The following TARBP1 variants were observed in gnomAD, a reference collection of about 807,000 sequenced individuals.
The protein encoded by TARBP1 is tRNA (guanosine(18)-2'-O)-methyltransferase TARBP1.
TARBP1 carries 144 observed loss-of-function variants against 178.6 expected under a neutral mutation model. The ratio of observed to expected loss-of-function variants is 0.81; its 90% CI spans 0.70 to 0.93. TARBP1 has a LOEUF of 0.93. Among genes scored for constraint, TARBP1 ranks in the 40% least tolerant of loss-of-function variants. The probability of loss-of-function intolerance (pLI) is 0.00; values close to 1 mark genes in which losing one functional copy is unlikely to be tolerated. For synonymous variants in TARBP1, 787 were observed against 781.0 expected (o/e 1.01, Z -0.13); for missense variants, 2,067 against 2,011.7 (o/e 1.03, Z -0.53).
intron 25 of TARBP1, chr1:234,400,157 A>G (rs1660540214): frequency 6.6e-6 from 1 of 152,196 alleles, no homozygotes; most frequent in Admixed American, 6.5e-5. Flanking sequence ...CTGGAGAATA[A>G]ATCATAAAAC....
chr1:234,443,668 A>C (rs550458969), intron 12 of TARBP1, among the ~76,000 whole-genome samples: 9 of 152,370 alleles, frequency 5.9e-5, no homozygotes, highest in Non-Finnish European at 1.2e-4. Flanking sequence ...TGTTCACAGC[A>C]GCATTATTCA....
chr1:234,477,014 C>T (rs895284663), intron 1 of TARBP1, among the ~76,000 whole-genome samples: 2 of 152,176 alleles, frequency 1.3e-5, no homozygotes, highest in African/African-American at 4.8e-5. Flanking sequence ...GGTGAAACCC[C>T]GTCTCTATTA....
At chr1:234,429,965 A>G in intron 15 of TARBP1, 122 bp downstream of exon 15, 1 of 1,013,182 alleles carries the variant, frequency 9.9e-7, no homozygotes, top group Non-Finnish European at 1.5e-6. Context: ...GTTATACCAC[A>G]CTTTCATCCT....
intron 26 of TARBP1, chr1:234,398,083 A>C (rs1448314672): frequency 1.5e-5 from 3 of 205,806 alleles, no homozygotes; most frequent in Non-Finnish European, 2.9e-5. Flanking sequence ...AAAAGCAATG[A>C]GTGTTAACGA....
chr1:234,432,258 A>C (rs1454748647), intron 14 of TARBP1, among the ~76,000 whole-genome samples: 1 of 151,786 alleles, frequency 6.6e-6, no homozygotes, highest in African/African-American at 2.4e-5. Flanking sequence ...CCTGGCCAAC[A>C]TGGCAAAACC....
chr1:234,460,953 A>G (rs1667796289), intron 6 of TARBP1, among the ~76,000 whole-genome samples: 2 of 152,250 alleles, frequency 1.3e-5, no homozygotes, highest in Non-Finnish European at 2.9e-5. Flanking sequence ...CACGTATTGT[A>G]TGATTCCACT....
intron 14 of TARBP1, among the ~76,000 whole-genome samples, chr1:234,432,277 A>G (rs1664523264): frequency 6.6e-6 from 1 of 151,772 alleles, no homozygotes; most frequent in African/African-American, 2.4e-5. Flanking sequence ...CCCCAACTCT[A>G]CTAAAAATAC....
intron 11 of TARBP1, 89 bp from the exon 12 acceptor site, chr1:234,447,064 T>A: frequency 1.4e-6 from 2 of 1,386,134 alleles, no homozygotes; most frequent in South Asian, 1.2e-5. Flanking sequence ...ACTGGTTAGC[T>A]AATGGATCCA....
chr1:234,407,131 T>A (rs1172523699), intron 23 of TARBP1: 2 of 152,232 alleles, frequency 1.3e-5, no homozygotes, highest in African/African-American at 4.8e-5. Context: ...GGTGTGATGT[T>A]ATGATATACA....
chr1:234,411,965 T>C (rs1308571854), intron 22 of TARBP1, among the ~76,000 whole-genome samples: 2 of 152,208 alleles, frequency 1.3e-5, no homozygotes, highest in Non-Finnish European at 2.9e-5. Flanking sequence ...GAATGTCTTC[T>C]ACATGACAGT....
chr1:234,467,566 C>T lies in TARBP1; in HGVS notation c.1184G>A (p.Gly395Asp), dbSNP rs765534653. 1.9e-6 allele frequency: 3 copies of T among 1,607,918 alleles called. No homozygotes were observed. The highest frequency in any genetic ancestry group is 2.5e-6 in the Non-Finnish European group (3 of 1,178,364). The change falls in exon 4 of 30, where the codon GGT becomes GAT. Residue 395 changes from glycine (G) to aspartate (D), a missense_variant. Transcript: ENST00000040877. Reference protein sequence around the residue: ...ESENKILSKEGVIHFLELYET... With the variant: ...ESENKILSKEDVIHFLELYET... ...ATACAGCTCCAAAAAATGGATAACA[C>T]CTTCTTTGGACAGGATTTTGTTTTC... is the stretch of plus-strand genomic sequence containing the variant.
intron 6 of TARBP1, among the ~76,000 whole-genome samples, chr1:234,461,800 T>C (rs765790947): frequency 2.6e-5 from 4 of 152,222 alleles, no homozygotes; most frequent in Non-Finnish European, 5.9e-5. Flanking sequence ...TACAAAGGGA[T>C]AGTGCTTCAT....
Position 234,478,322 on chromosome 1 carries a change from C to T in TARBP1, c.782G>A (p.Arg261His). 7.2e-7 allele frequency: 1 copy of T among 1,385,778 alleles called. No homozygotes were observed. Among genetic ancestry groups the T allele is most frequent in the African/African-American group, 1.5e-5 (1 of 66,686 alleles). 85.8% of individuals were successfully genotyped at this position (1,385,778 alleles called of 1,614,324 possible). ...GAREAGPDAR[R>H]CWRFWRTVQA... ...CACCGTCCTCCAGAAGCGCCAGCAG[C>T]GCCGGGCGTCCGGGCCCGCCTCGCG... The change falls in exon 1 of 30, where the codon CGC (arginine) becomes CAC (histidine). Residue 261 changes from arginine to histidine, a missense_variant. Coordinates refer to ENST00000040877, the MANE Select transcript of TARBP1 (RefSeq NM_005646.4).
intron 23 of TARBP1, among the ~76,000 whole-genome samples, chr1:234,408,395 T>G (rs1255509302): frequency 6.6e-6 from 1 of 152,164 alleles, no homozygotes; most frequent in Non-Finnish European, 1.5e-5. Context: ...GTTTATAGTT[T>G]AAAACAAAGA....
chr1:234,441,188 T>C (rs187548853), intron 12 of TARBP1, among the ~76,000 whole-genome samples: 37 of 152,190 alleles, frequency 2.4e-4, no homozygotes, highest in African/African-American at 5.8e-4. Context: ...TGTCTCTAAA[T>C]AAATAAATGT....
intron 12 of TARBP1, among the ~76,000 whole-genome samples, chr1:234,445,246 C>A (rs1354602079): frequency 6.6e-6 from 1 of 152,136 alleles, no homozygotes; most frequent in Non-Finnish European, 1.5e-5. Flanking sequence ...CCTAGGTACC[C>A]TCTGCTGTTC....
At chr1:234,415,172 C>G (rs963045020) in intron 22 of TARBP1, among the ~76,000 whole-genome samples, 2 of 152,002 alleles carry the variant, frequency 1.3e-5, no homozygotes, top group Admixed American at 1.3e-4. Flanking sequence ...CCAATGGGAC[C>G]ATTTGGCTAA....
rs750109147 is a variant in TARBP1, at chr1:234,391,689, T to C, written c.4754A>G (p.Glu1585Gly). The change falls in exon 30 of 30, where the codon GAA (glutamate) becomes GGA (glycine). Residue 1585 changes from glutamate (E) to glycine (G), a missense_variant. By Grantham distance (98) the Glu-to-Gly change is moderately conservative. Coordinates refer to ENST00000040877, the MANE Select transcript of TARBP1 (RefSeq NM_005646.4). The part of the protein sequence containing the change: ...NLIQQLDVCV[E>G]IPQQGIIRSL... The stretch of plus-strand genomic sequence containing the variant: ...GCGGATAATGCCCTGTTGAGGAATT[T>C]CCACACAAACGTCCAACTGTTGGAT... 3 of 1,613,762 alleles carry C rather than the reference T, an allele frequency of 1.9e-6. No homozygotes were observed. Among genetic ancestry groups the C allele is most frequent in the Non-Finnish European group, 1.7e-6 (2 of 1,179,988 alleles).
Position 234,429,117 on chromosome 1 carries a change from AG to A in TARBP1, c.3060+18del. 1 of 1,539,808 alleles carries A rather than the reference AG, an allele frequency of 6.5e-7. No individual in the cohort carries two copies. Among genetic ancestry groups the A allele is most frequent in the South Asian group, 1.3e-5 (1 of 76,768 alleles). The stretch of plus-strand genomic sequence containing the variant: ...CACACACATGAAAAGAAAAGCAAAA[AG>A]AAAAGAAAGTTAGTTACCTCTTTTA... On this transcript the variant is annotated intron_variant, in intron 17 of 29. Transcript: ENST00000040877.
Sources: allele counts gnomAD v4.1 joint callset (sites outside exome capture counted in the v4.1 genomes callset), GRCh38; gene constraint gnomAD v4.1.1; transcripts MANE v1.5; gene names NCBI Gene and HGNC (gene_info 2026-07-23, HGNC 2026-07-21).